Variants in SNTG1 observed in about 807,000 individuals in gnomAD.
SNTG1 encodes the protein gamma-1-syntrophin.
SNTG1 carries 39 observed loss-of-function variants against 74.7 expected under a neutral mutation model. That is an observed-to-expected ratio of 0.52 (90% confidence interval 0.40 to 0.68). SNTG1 has a LOEUF of 0.68. Ranked by LOEUF, SNTG1 falls within the 30% of genes least tolerant of loss-of-function variation. SNTG1 has a pLI of 0.00. For synonymous variants in SNTG1, 254 were observed against 217.1 expected (o/e 1.17, Z -1.49); for missense variants, 685 against 609.5 (o/e 1.12, Z -1.30).
At chr8:50,312,952 G>A (rs569531530) in intron 2 of SNTG1, among the ~76,000 whole-genome samples, 1 of 149,890 alleles carries the variant, frequency 6.7e-6, no homozygotes, top group African/African-American at 2.5e-5. Flanking sequence ...TGTGGATTGG[G>A]AGAATTAATA....
chr8:50,247,928 C>T (rs2086473617), intron 2 of SNTG1, among the ~76,000 whole-genome samples: 1 of 152,044 alleles, frequency 6.6e-6, no homozygotes, highest in Non-Finnish European at 1.5e-5. Flanking sequence ...AAGTTGTTGG[C>T]AGGGTTGGTT....
intron 10 of SNTG1, among the ~76,000 whole-genome samples, chr8:50,535,513 T>C (rs1354817344): frequency 1.3e-5 from 2 of 152,126 alleles, no homozygotes; most frequent in Non-Finnish European, 2.9e-5. Context: ...CTGACTAGCA[T>C]TGAAGGACAG....
At chr8:50,482,898 A>G (rs969659230) in intron 8 of SNTG1, among the ~76,000 whole-genome samples, 3 of 152,198 alleles carry the variant, frequency 2.0e-5, no homozygotes, top group African/African-American at 7.2e-5. Flanking sequence ...AGCTCAGAGC[A>G]TGAACACATG....
At chr8:50,463,864 A>G (rs963939508) in intron 8 of SNTG1, among the ~76,000 whole-genome samples, 4 of 152,208 alleles carry the variant, frequency 2.6e-5, no homozygotes, top group Non-Finnish European at 5.9e-5. Flanking sequence ...GCAGAAGGCT[A>G]TTTTGTCTAC....
At chr8:49,973,982 CAA>C (rs1811958335) in intron 1 of SNTG1, among the ~76,000 whole-genome samples, 1 of 152,118 alleles carries the variant, frequency 6.6e-6, no homozygotes, top group African/African-American at 2.4e-5. Flanking sequence ...CCATAAGCCC[CAA>C]TTTTTTATGT....
intron 1 of SNTG1, among the ~76,000 whole-genome samples, chr8:50,075,323 T>C (rs1821757812): frequency 1.3e-5 from 2 of 152,058 alleles, no homozygotes; most frequent in South Asian, 4.1e-4. Context: ...GGCTCCTGAG[T>C]CGGGAGGAGA....
At chr8:50,395,521 T>TTTA in intron 3 of SNTG1, among the ~76,000 whole-genome samples, 1 of 150,296 alleles carries the variant, frequency 6.7e-6, no homozygotes, top group Non-Finnish European at 1.5e-5. Flanking sequence ...TTTTTTTTTT[T>TTTA]TTAATGGAGT....
At chr8:50,597,289 A>G (rs1163213474) in intron 13 of SNTG1, among the ~76,000 whole-genome samples, 2 of 150,734 alleles carry the variant, frequency 1.3e-5, no homozygotes, top group Non-Finnish European at 3.0e-5. Context: ...ACATATATAT[A>G]TACACACACA....
At chr8:50,383,723 G>GT (rs1196535609) in intron 2 of SNTG1, among the ~76,000 whole-genome samples, 1 of 152,162 alleles carries the variant, frequency 6.6e-6, no homozygotes, top group East Asian at 1.9e-4. Context: ...GGTTATTGCA[G>GT]TTTTCCATTG....
chr8:50,499,251 G>A (rs1212420144), intron 8 of SNTG1, among the ~76,000 whole-genome samples: 1 of 151,720 alleles, frequency 6.6e-6, no homozygotes, highest in Non-Finnish European at 1.5e-5. Context: ...TTTGTATACA[G>A]GGCTTTTACT....
At chr8:50,036,301 T>C (rs186717164) in intron 1 of SNTG1, among the ~76,000 whole-genome samples, 5 of 152,278 alleles carry the variant, frequency 3.3e-5, no homozygotes, top group Admixed American at 6.5e-5. Flanking sequence ...AGCTCCTGCA[T>C]AGTCTTTCTG....
At chr8:50,747,414 T>C (rs1585698701) in intron 17 of SNTG1, among the ~76,000 whole-genome samples, 1 of 131,724 alleles carries the variant, frequency 7.6e-6, no homozygotes, top group Non-Finnish European at 1.5e-5. Flanking sequence ...CTCAGAAATC[T>C]AGCTTAAGTA....
intron 2 of SNTG1, among the ~76,000 whole-genome samples, chr8:50,204,185 T>TA (rs1216344007): frequency 2.0e-5 from 3 of 152,164 alleles, no homozygotes; most frequent in Non-Finnish European, 4.4e-5. Context: ...CCTCCGAAGA[T>TA]ATGTGCCAAG....
intron 1 of SNTG1, among the ~76,000 whole-genome samples, chr8:50,016,110 CG>C (rs1406542970): frequency 6.6e-6 from 1 of 151,910 alleles, no homozygotes; most frequent in Admixed American, 6.6e-5. Flanking sequence ...TGGATCAGAC[CG>C]TCAGCAGACT....
chr8:50,063,393 T>C (rs1387250389), intron 1 of SNTG1, among the ~76,000 whole-genome samples: 2 of 152,204 alleles, frequency 1.3e-5, no homozygotes, highest in Non-Finnish European at 2.9e-5. Flanking sequence ...GACACATGCT[T>C]ATGAGGACAA....
intron 2 of SNTG1, among the ~76,000 whole-genome samples, chr8:50,175,010 T>A (rs201523914): frequency 0.028 from 4,225 of 152,064 alleles, 221 homozygotes; most frequent in African/African-American, 0.095. Context: ...ATGGTTTCCA[T>A]CTTCATCCAT....
chr8:50,596,067 T>A (rs2094725180), intron 13 of SNTG1, among the ~76,000 whole-genome samples: 1 of 152,010 alleles, frequency 6.6e-6, no homozygotes. Context: ...TCCGAAGGGT[T>A]TTACATTTCA....
At chr8:50,342,038 T>C (rs1016294302) in intron 2 of SNTG1, among the ~76,000 whole-genome samples, 4 of 152,078 alleles carry the variant, frequency 2.6e-5, no homozygotes, top group African/African-American at 9.7e-5. Context: ...ATAGTCTGGA[T>C]GGCTGTAAAA....
intron 2 of SNTG1, among the ~76,000 whole-genome samples, chr8:50,391,462 A>C (rs1386276403): frequency 6.6e-6 from 1 of 152,128 alleles, no homozygotes; most frequent in Admixed American, 6.5e-5. Flanking sequence ...GTGCTGCTGG[A>C]TTCAATTTGC....
Sources: allele counts gnomAD v4.1 joint callset (sites outside exome capture counted in the v4.1 genomes callset), GRCh38; gene constraint gnomAD v4.1.1; transcripts MANE v1.5; gene names NCBI Gene and HGNC (gene_info 2026-07-23, HGNC 2026-07-21).